The following SLCO1B3 variants were observed in gnomAD, a reference collection of about 807,000 sequenced individuals.
SLCO1B3 encodes the protein liver-specific organic anion transporter 2.
Under a neutral mutation model 71.8 loss-of-function variants are expected in SLCO1B3, and 72 were observed. That is an observed-to-expected ratio of 1.00 (90% CI 0.83 to 1.22). The LOEUF (loss-of-function observed/expected upper bound fraction) is 1.22. Among genes scored for constraint, SLCO1B3 ranks in the 50% most tolerant of loss-of-function variants. SLCO1B3 has a pLI of 0.00. For synonymous variants in SLCO1B3, 298 were observed against 278.4 expected, an observed-to-expected ratio of 1.07 and a Z score of -0.70; for missense variants, 911 against 819.7, an observed-to-expected ratio of 1.11 and a Z score of -1.36.
Position 20,862,869 on chromosome 12 carries a change from A to C in SLCO1B3, c.727+15A>C. The C allele has an allele frequency of 7.1e-7, 1 of 1,403,794 alleles. No individual in the cohort carries two copies. Among genetic ancestry groups the C allele is most frequent in the Non-Finnish European group, 1.0e-6 (1 of 991,220 alleles). The allele number at this position is 1,403,794 out of a possible 1,614,324, so 87.0% of individuals were successfully genotyped here. On this transcript the variant is annotated intron_variant, in intron 8 of 15. Transcript: ENST00000381545. ...TGTAGATCTGAGTAAGTACAATTAGAACAAGGTACCATGATAGTGTCTTTT... is the reference window on the plus strand; with the variant it reads ...TGTAGATCTGAGTAAGTACAATTAGCACAAGGTACCATGATAGTGTCTTTT...
intron 3 of SLCO1B3, among the ~76,000 whole-genome samples, chr12:20,823,274 T>G (rs560415074): frequency 8.4e-4 from 128 of 152,144 alleles, no homozygotes; most frequent in Non-Finnish European, 1.6e-3. Flanking sequence ...AATCACAGCT[T>G]AATATTTAGT....
intron 3 of SLCO1B3, among the ~76,000 whole-genome samples, chr12:20,833,302 C>T (rs1864582469): frequency 6.6e-6 from 1 of 151,920 alleles, no homozygotes; most frequent in Non-Finnish European, 1.5e-5. Flanking sequence ...AACATATTTA[C>T]AAGTTCTGGA....
intron 4 of SLCO1B3, 141 bp from the exon 5 acceptor site, chr12:20,858,298 G>C: frequency 1.6e-6 from 1 of 612,822 alleles, no homozygotes; most frequent in African/African-American, 1.8e-5. Flanking sequence ...ATGTAGGAGA[G>C]TTTACCTTCA....
intron 15 of SLCO1B3, among the ~76,000 whole-genome samples, chr12:20,910,168 A>G (rs770272242): frequency 5.9e-5 from 9 of 152,142 alleles, no homozygotes; most frequent in Admixed American, 3.3e-4. Flanking sequence ...ATTATTTTGC[A>G]TGTGGATATC....
rs1866505631 is a variant in SLCO1B3, at chr12:20,916,604, G to T, written c.*357G>T. The T allele has an allele frequency of 6.4e-6, 1 of 155,702 alleles. No individual in the cohort carries two copies. Among genetic ancestry groups the T allele is most frequent in the African/African-American group, 2.4e-5 (1 of 41,244 alleles). The allele number at this position is 155,702 out of a possible 1,614,324, so 9.6% of individuals were successfully genotyped here. A position where few individuals can be genotyped will look rare whatever the true frequency, so the allele number is the denominator to read the frequency against. The stretch of plus-strand genomic sequence containing the variant: ...AAAGCCTGATGCCTTTAAAAAAAAT[G>T]AAACACTTTGGATGTATTACTTAGG... On this transcript the variant is annotated 3_prime_UTR_variant, in exon 16 of 16. Transcript: ENST00000381545.
At chr12:20,833,851 TTATATACTC>T (rs1489794896) in intron 3 of SLCO1B3, among the ~76,000 whole-genome samples, 6 of 146,736 alleles carry the variant, frequency 4.1e-5, no homozygotes, top group Non-Finnish European at 7.5e-5. Context: ...TTAAATAAGT[TTATATACTC>T]TATATACTAT....
At chr12:20,877,697 A>G in intron 9 of SLCO1B3, 75 bp from the exon 10 acceptor site, 3 of 620,496 alleles carry the variant, frequency 4.8e-6, no homozygotes, top group Non-Finnish European at 6.9e-6. Flanking sequence ...TAAGTCTTAT[A>G]TAACTTATAT....
chr12:20,855,958 T>C (rs1865126157), intron 4 of SLCO1B3, among the ~76,000 whole-genome samples: 1 of 152,086 alleles, frequency 6.6e-6, no homozygotes, highest in African/African-American at 2.4e-5. Flanking sequence ...GTTTCTATTC[T>C]AACTGTATTT....
chr12:20,857,937 C>T (rs1369009349), intron 4 of SLCO1B3, among the ~76,000 whole-genome samples: 1 of 152,084 alleles, frequency 6.6e-6, no homozygotes, highest in African/African-American at 2.4e-5. Context: ...TTAATTTAAG[C>T]TCCCTATTTC....
In SLCO1B3 at chr12:20,879,577, T is replaced by C. The variant is rs1865650452; in HGVS notation, c.1277T>C (p.Phe426Ser). The change falls in exon 11 of 16, where the codon TTC becomes TCC. Residue 426 changes from phenylalanine (F) to serine (S), a missense_variant. Physicochemically the swap from Phe to Ser is radical, Grantham distance 155. Transcript: ENST00000381545. ...MISFLFQLLY[F>S]PLICESKSVA... is the part of the protein sequence containing the mutation. ...TCCTTCTTGTTTCAACTTCTATATT[T>C]CCCTCTAATCTGCGAAAGCAAATCA... 6.2e-7 allele frequency: 1 copy of C among 1,613,046 alleles called. No individual in the cohort carries two copies. Among genetic ancestry groups the C allele is most frequent in the Admixed American group, 1.7e-5 (1 of 59,836 alleles).
chr12:20,831,070 G>A (rs992799467), intron 3 of SLCO1B3, among the ~76,000 whole-genome samples: 4 of 152,014 alleles, frequency 2.6e-5, no homozygotes, highest in Admixed American at 2.0e-4. Flanking sequence ...GTCCAATAAA[G>A]AAGCCAGGCC....
chr12:20,847,966 C>A (rs1864950166), intron 3 of SLCO1B3, among the ~76,000 whole-genome samples: 3 of 151,842 alleles, frequency 2.0e-5, no homozygotes, highest in Admixed American at 2.0e-4. Flanking sequence ...CATTAAAAGT[C>A]AAAATAATAA....
intron 8 of SLCO1B3, 151 bp from the exon 9 acceptor site, chr12:20,875,084 T>A (rs1490304169): frequency 2.8e-6 from 3 of 1,056,792 alleles, no homozygotes; most frequent in Non-Finnish European, 4.2e-6. Context: ...TAACAAAATA[T>A]GAAAAGAAGA....
chr12:20,811,904 C>CTTTTTTT (rs1864115436), intron 1 of SLCO1B3, among the ~76,000 whole-genome samples: 3 of 94,666 alleles, frequency 3.2e-5, no homozygotes, highest in African/African-American at 3.3e-5. Context: ...TTACTTGATA[C>CTTTTTTT]ATTTTTTTTT....
chr12:20,872,998 C>A (rs1418457303), intron 8 of SLCO1B3, among the ~76,000 whole-genome samples: 1 of 152,106 alleles, frequency 6.6e-6, no homozygotes, highest in Non-Finnish European at 1.5e-5. Flanking sequence ...TTATCAGCAC[C>A]TTTACACATT....
chr12:20,811,021 T>A (rs780249743), intron 1 of SLCO1B3, among the ~76,000 whole-genome samples: 24 of 152,140 alleles, frequency 1.6e-4, no homozygotes, highest in Non-Finnish European at 3.2e-4. Flanking sequence ...GGAGTCCTAT[T>A]TCTATTGCTT....
chr12:20,900,174 C>G (rs1392498224), intron 14 of SLCO1B3, among the ~76,000 whole-genome samples: 1 of 152,016 alleles, frequency 6.6e-6, no homozygotes, highest in Non-Finnish European at 1.5e-5. Context: ...CTGCAAATTT[C>G]TCACCCATTA....
intron 8 of SLCO1B3, among the ~76,000 whole-genome samples, chr12:20,866,189 TA>T (rs1419595433): frequency 6.6e-6 from 1 of 152,088 alleles, no homozygotes; most frequent in Non-Finnish European, 1.5e-5. Context: ...CATGACATTA[TA>T]AGAAAAAGTT....
At chr12:20,897,135 T>C (rs540187447) in intron 13 of SLCO1B3, among the ~76,000 whole-genome samples, 3 of 152,258 alleles carry the variant, frequency 2.0e-5, no homozygotes, top group South Asian at 2.1e-4. Context: ...ATCAGATTCA[T>C]TGTCCTCAGT....
Sources: gnomAD v4.1 joint callset for allele counts (sites outside exome capture counted in the v4.1 genomes callset) on GRCh38, gnomAD v4.1.1 for gene constraint, MANE v1.5 for transcripts, NCBI Gene and HGNC (gene_info 2026-07-23, HGNC 2026-07-21) for gene names.